Variants in RBFOX3 observed in about 807,000 individuals in gnomAD.
RBFOX3 encodes RNA binding protein fox-1 homolog 3.
A neutral mutation model predicts 48.7 loss-of-function variants in RBFOX3; 17 were observed. The ratio of observed to expected loss-of-function variants is 0.35; its 90% CI spans 0.24 to 0.52. RBFOX3 has a LOEUF of 0.52. Ranked by LOEUF, RBFOX3 falls within the 20% of genes least tolerant of loss-of-function variation. The pLI is 0.94. For missense variants in RBFOX3, 382 were observed against 497.5 expected (o/e 0.77, Z 2.21); for synonymous variants, 212 against 209.5 (o/e 1.01, Z -0.10).
chr17:79,344,381 C>T (rs1349664915), intron 2 of RBFOX3, among the ~76,000 whole-genome samples: 1 of 152,060 alleles, frequency 6.6e-6, no homozygotes, highest in Non-Finnish European at 1.5e-5. Context: ...TTCAAACAAC[C>T]TCCGGCGATT....
chr17:79,114,526 G>A (rs931422634), intron 5 of RBFOX3, among the ~76,000 whole-genome samples: 11 of 152,234 alleles, frequency 7.2e-5, no homozygotes, highest in Non-Finnish European at 1.0e-4. Context: ...CACATGCACC[G>A]GGGGAAGGCT....
chr17:79,638,304 GTTT>G, the RBFOX3 span, among the ~76,000 whole-genome samples: 24 of 88,314 alleles, frequency 2.7e-4, no homozygotes, highest in East Asian at 3.0e-3. Flanking sequence ...AACTGAGTTG[GTTT>G]TTTTTTTTTT....
chr17:79,103,105 TG>T lies in RBFOX3; in HGVS notation c.507+56del. ...GGCAGGGCTGGTTGGTTGGGGGAGC[TG>T]GGGGGCAGGTGGGCGATCTTGGGGC... is the stretch of plus-strand genomic sequence containing the variant. On this transcript the variant is annotated intron_variant, in intron 8 of 14. Transcript: ENST00000693108. The surrounding 1 kb of genome is among the most constrained non-coding windows in gnomAD (Gnocchi z 6.1). 4.5e-6 allele frequency: 6 copies of T among 1,321,948 alleles called. No homozygotes were observed. Among genetic ancestry groups the T allele is most frequent in the African/African-American group, 1.5e-5 (1 of 68,672 alleles). The allele number at this position is 1,321,948 out of a possible 1,614,324, so 81.9% of individuals were successfully genotyped here. A position where few individuals can be genotyped will look rare whatever the true frequency, so the allele number is the denominator to read the frequency against.
At chr17:79,372,215 C>T (rs1028785919) in intron 2 of RBFOX3, among the ~76,000 whole-genome samples, 7 of 152,058 alleles carry the variant, frequency 4.6e-5, no homozygotes, top group Non-Finnish European at 7.4e-5. Flanking sequence ...AGGACTCTGT[C>T]AGCTGGCTCC....
intron 2 of RBFOX3, among the ~76,000 whole-genome samples, chr17:79,440,784 G>C (rs1216883927): frequency 6.6e-6 from 1 of 151,472 alleles, no homozygotes; most frequent in Non-Finnish European, 1.5e-5. Context: ...CAGAGGAAGG[G>C]CCCCCCTGCA....
At chr17:79,335,005 C>A (rs1213002390) in intron 2 of RBFOX3, among the ~76,000 whole-genome samples, 1 of 152,240 alleles carries the variant, frequency 6.6e-6, no homozygotes, top group African/African-American at 2.4e-5. Flanking sequence ...CCCTCTGAAA[C>A]CTGGCTCAGA....
chr17:79,541,776 C>T (rs1281692262), intron 1 of RBFOX3, among the ~76,000 whole-genome samples: 3 of 152,188 alleles, frequency 2.0e-5, no homozygotes, highest in African/African-American at 7.2e-5. Flanking sequence ...CAGCCCTTTC[C>T]GTGCTGATCA....
chr17:79,255,448 C>T (rs1400517960), intron 3 of RBFOX3, among the ~76,000 whole-genome samples: 1 of 152,072 alleles, frequency 6.6e-6, no homozygotes, highest in Non-Finnish European at 1.5e-5. Flanking sequence ...CATTCTCCAC[C>T]CCAGAGCCCT....
At chr17:79,541,311 T>C (rs1257210119) in intron 1 of RBFOX3, among the ~76,000 whole-genome samples, 1 of 152,086 alleles carries the variant, frequency 6.6e-6, no homozygotes, top group Non-Finnish European at 1.5e-5. Context: ...TTCACCAAGA[T>C]AAAAATGAGC....
In RBFOX3 at chr17:79,190,432, C is replaced by A. The variant is rs56083916; in HGVS notation, c.-34+45334G>T. On this transcript the variant is annotated intron_variant, in intron 4 of 14. Transcript: ENST00000693108. ...GTCTCACCAAAAAAAAAAAAAAAAACAAAAAAACAGAGTGAAGAAGAAGAA... is the reference window on the plus strand; with the variant it reads ...GTCTCACCAAAAAAAAAAAAAAAAAAAAAAAAACAGAGTGAAGAAGAAGAA... Among the ~76,000 whole-genome samples the A allele has an allele frequency of 9.2e-3, 1,055 of 114,476 alleles. 13 individuals carry two copies. The highest frequency in any genetic ancestry group is 0.039 in the South Asian group (134 of 3,408). The allele number at this position is 114,476 out of a possible 152,430, so 75.1% of individuals were successfully genotyped here. A position where few individuals can be genotyped will look rare whatever the true frequency, so the allele number is the denominator to read the frequency against.
the RBFOX3 span, among the ~76,000 whole-genome samples, chr17:79,623,510 G>A: frequency 6.6e-6 from 1 of 152,102 alleles, no homozygotes; most frequent in Admixed American, 6.5e-5. Context: ...TAACCACAGG[G>A]TCCTTAAAAG....
chr17:79,310,350 C>G (rs773071115), intron 2 of RBFOX3, among the ~76,000 whole-genome samples: 1 of 152,162 alleles, frequency 6.6e-6, no homozygotes, highest in Non-Finnish European at 1.5e-5. Context: ...GTCCTCTCCC[C>G]ATGACTGGTG....
At chr17:79,461,931 C>T (rs2075423134) in intron 2 of RBFOX3, among the ~76,000 whole-genome samples, 1 of 152,188 alleles carries the variant, frequency 6.6e-6, no homozygotes, top group Non-Finnish European at 1.5e-5. Flanking sequence ...TTCCTCAAAG[C>T]CTCCAGAAGG....
chr17:79,519,308 A>G (rs2149969815), intron 1 of RBFOX3, among the ~76,000 whole-genome samples: 1 of 152,324 alleles, frequency 6.6e-6, no homozygotes, highest in South Asian at 2.1e-4. Flanking sequence ...GCTCTCAAGG[A>G]AGCAGAGCAA....
At chr17:79,258,246 C>T (rs1483972074) in intron 3 of RBFOX3, among the ~76,000 whole-genome samples, 5 of 152,216 alleles carry the variant, frequency 3.3e-5, no homozygotes, top group African/African-American at 9.6e-5. Flanking sequence ...GTGCAGGGAG[C>T]ACCACACTGA....
In RBFOX3 at chr17:79,150,913, G is replaced by A. The variant is rs148569773; in HGVS notation, c.-33-35165C>T. Among the ~76,000 whole-genome samples, 310 of 152,316 alleles carry A rather than the reference G, an allele frequency of 2.0e-3. 2 individuals carry two copies. The highest frequency in any genetic ancestry group is 7.0e-3 in the African/African-American group (289 of 41,570). On this transcript the variant is annotated intron_variant, in intron 4 of 14. Coordinates refer to ENST00000693108, the MANE Select transcript of RBFOX3 (RefSeq NM_001350451.2). ...CTTGCTCATGCCTAGCGCCGCCTGC[G>A]AGGGAGCCTCAGTTGGGCAACGAGC... is the stretch of plus-strand genomic sequence containing the variant.
chr17:79,230,721 G>C lies in RBFOX3; in HGVS notation c.-34+5045C>G, dbSNP rs187344068. 1.1e-4 allele frequency among the ~76,000 whole-genome samples: 17 copies of C among 152,262 alleles called. No individual in the cohort carries two copies. In the East Asian group the frequency reaches 3.1e-3, roughly 28 times the overall value. ...AGCAAAGGTGCCTGTCTCTACACTA[G>C]GACTGTGTGTCCCAGGCTCACGAGT... On this transcript the variant is annotated intron_variant, in intron 4 of 14. Coordinates refer to ENST00000693108, the MANE Select transcript of RBFOX3 (RefSeq NM_001350451.2).
chr17:79,557,623 G>A (rs2091881439), intron 1 of RBFOX3, among the ~76,000 whole-genome samples: 1 of 152,258 alleles, frequency 6.6e-6, no homozygotes, highest in East Asian at 1.9e-4. Flanking sequence ...GCGGCTGTTG[G>A]TGAGGCCGAA....
At chr17:79,188,312 C>T (rs1298871411) in intron 4 of RBFOX3, among the ~76,000 whole-genome samples, 3 of 152,234 alleles carry the variant, frequency 2.0e-5, no homozygotes, top group Non-Finnish European at 2.9e-5. Flanking sequence ...ACTCACCTTC[C>T]GGCTCAGCGG....
Sources: allele counts gnomAD v4.1 joint callset (sites outside exome capture counted in the v4.1 genomes callset), GRCh38; gene constraint gnomAD v4.1.1; non-coding constraint Gnocchi (gnomAD v3.1); transcripts MANE v1.5; gene names NCBI Gene and HGNC (gene_info 2026-07-23, HGNC 2026-07-21).